GRM7: variants seen among roughly 807,000 people sequenced by gnomAD.
GRM7 encodes the protein metabotropic glutamate receptor 7.
Under a neutral mutation model 84.5 loss-of-function variants are expected in GRM7, and 35 were observed. That is an observed-to-expected ratio of 0.41 (90% CI 0.32 to 0.55). The LOEUF (loss-of-function observed/expected upper bound fraction) is 0.55. GRM7 is among the 20% of genes least tolerant of loss of function. The probability of loss-of-function intolerance (pLI) is 0.19; values close to 1 mark genes in which losing one functional copy is unlikely to be tolerated. For missense variants in GRM7, 1,003 were observed against 1,194.6 expected (o/e 0.84, Z 2.36); for synonymous variants, 487 against 455.1 (o/e 1.07, Z -0.89).
At chr3:6,962,191 C>G (rs1205672068) in intron 1 of GRM7, among the ~76,000 whole-genome samples, 2 of 152,158 alleles carry the variant, frequency 1.3e-5, no homozygotes, top group African/African-American at 4.8e-5. Context: ...TCTACTCCCA[C>G]CTAAATTTAG....
chr3:6,927,016 C>G (rs576482947), intron 1 of GRM7, among the ~76,000 whole-genome samples: 2 of 152,150 alleles, frequency 1.3e-5, no homozygotes, highest in African/African-American at 4.8e-5. Context: ...ATCTTTCACT[C>G]GCACTGTGTT....
At chr3:7,126,467 C>T (rs779271513) in intron 1 of GRM7, among the ~76,000 whole-genome samples, 3 of 152,064 alleles carry the variant, frequency 2.0e-5, no homozygotes, top group African/African-American at 2.4e-5. Context: ...TATGAAACCC[C>T]GAAGGTTTGT....
At chr3:7,414,537 C>G (rs1353130174) in intron 4 of GRM7, among the ~76,000 whole-genome samples, 4 of 152,116 alleles carry the variant, frequency 2.6e-5, no homozygotes, top group African/African-American at 9.7e-5. Flanking sequence ...GTCCTCGTCC[C>G]TGCTCATCTG....
chr3:7,401,761 T>C (rs1695461995), intron 4 of GRM7, among the ~76,000 whole-genome samples: 1 of 152,190 alleles, frequency 6.6e-6, no homozygotes, highest in Non-Finnish European at 1.5e-5. Context: ...ATCTCTTCCC[T>C]TTCTGTGAAA....
chr3:6,983,631 C>T (rs754460398), intron 1 of GRM7, among the ~76,000 whole-genome samples: 20 of 152,114 alleles, frequency 1.3e-4, no homozygotes, highest in Non-Finnish European at 2.5e-4. Context: ...CAGAGCCCTA[C>T]AAACTAATAA....
intron 4 of GRM7, among the ~76,000 whole-genome samples, chr3:7,336,172 G>A (rs1662641437): frequency 6.6e-6 from 1 of 151,960 alleles, no homozygotes; most frequent in African/African-American, 2.4e-5. Flanking sequence ...GAATCCAACA[G>A]CATATCCAAA....
rs368379747 is a variant in GRM7, at chr3:7,519,944, G to A, written c.1515+58222G>A. 19 of 152,350 alleles carry A rather than the reference G, an allele frequency of 1.2e-4. 2 individuals are homozygous for A. Among genetic ancestry groups the A allele is most frequent in the Admixed American group, 4.6e-4 (7 of 15,286 alleles). 9.4% of individuals were successfully genotyped at this position (152,350 alleles called of 1,614,324 possible). On this transcript the variant is annotated intron_variant, in intron 7 of 9. Coordinates refer to ENST00000357716, the MANE Select transcript of GRM7 (RefSeq NM_000844.4). ...TCAGTTCCACTCCATGTGAGCCTTTGTATGCCATCTATCAGTCTAGGCTGG... is the reference window on the plus strand; with the variant it reads ...TCAGTTCCACTCCATGTGAGCCTTTATATGCCATCTATCAGTCTAGGCTGG...
intron 4 of GRM7, among the ~76,000 whole-genome samples, chr3:7,355,512 G>A (rs1192122300): frequency 6.6e-6 from 1 of 152,088 alleles, no homozygotes; most frequent in Non-Finnish European, 1.5e-5. Flanking sequence ...AGCAGATGCT[G>A]TTATAATTTC....
At chr3:7,686,964 ATCTGTAATTCAAAGT>A (rs1700610979) in intron 9 of GRM7, among the ~76,000 whole-genome samples, 1 of 152,176 alleles carries the variant, frequency 6.6e-6, no homozygotes, top group Non-Finnish European at 1.5e-5. Flanking sequence ...TGGCCTTTCC[ATCTGTAATTCAAAGT>A]TGTCTTGGTT....
intron 2 of GRM7, among the ~76,000 whole-genome samples, chr3:7,202,584 A>G (rs1018170394): frequency 2.0e-5 from 3 of 151,956 alleles, no homozygotes; most frequent in African/African-American, 7.3e-5. Context: ...GCCCACCTCA[A>G]CCTCCCAAAA....
intron 1 of GRM7, among the ~76,000 whole-genome samples, chr3:6,891,106 T>G (rs1160007541): frequency 6.6e-6 from 1 of 152,212 alleles, no homozygotes; most frequent in Non-Finnish European, 1.5e-5. Context: ...TCCATCCTTT[T>G]ATTTTGAGCC....
intron 7 of GRM7, among the ~76,000 whole-genome samples, chr3:7,531,711 G>C (rs1017573407): frequency 2.0e-5 from 3 of 152,156 alleles, no homozygotes; most frequent in African/African-American, 2.4e-5. Flanking sequence ...GGGCTGAGAT[G>C]ATGAGGTTTT....
At chr3:6,913,281 C>G (rs920966428) in intron 1 of GRM7, among the ~76,000 whole-genome samples, 1 of 152,076 alleles carries the variant, frequency 6.6e-6, no homozygotes, top group Admixed American at 6.6e-5. Flanking sequence ...TAGATGATAT[C>G]CAATCTGCAA....
chr3:7,456,879 G>T (rs552211585), intron 6 of GRM7, among the ~76,000 whole-genome samples: 2 of 152,028 alleles, frequency 1.3e-5, no homozygotes, highest in South Asian at 4.2e-4. Flanking sequence ...TTAATCAGTG[G>T]GTCCTATGTC....
chr3:6,980,974 A>G (rs755976504), intron 1 of GRM7, among the ~76,000 whole-genome samples: 2 of 152,198 alleles, frequency 1.3e-5, no homozygotes, highest in African/African-American at 4.8e-5. Context: ...TTCCCAGTGC[A>G]AAGTCTTGAA....
At chr3:7,718,568 G>A (rs1701840251) in intron 9 of GRM7, among the ~76,000 whole-genome samples, 1 of 152,074 alleles carries the variant, frequency 6.6e-6, no homozygotes. Flanking sequence ...GCAGGGAGTT[G>A]GAAATTGAGA....
At chr3:7,241,073 C>A (rs1248991304) in intron 2 of GRM7, among the ~76,000 whole-genome samples, 1 of 152,184 alleles carries the variant, frequency 6.6e-6, no homozygotes, top group Admixed American at 6.5e-5. Flanking sequence ...TCAGAACATA[C>A]CCCCATTGAT....
chr3:7,369,945 G>A (rs1694063613), intron 4 of GRM7, among the ~76,000 whole-genome samples: 1 of 152,032 alleles, frequency 6.6e-6, no homozygotes, highest in South Asian at 2.1e-4. Flanking sequence ...GGATCCCACA[G>A]GTAACAGAAA....
intron 4 of GRM7, among the ~76,000 whole-genome samples, chr3:7,363,835 T>C (rs1693768402): frequency 6.6e-6 from 1 of 152,122 alleles, no homozygotes; most frequent in Non-Finnish European, 1.5e-5. Flanking sequence ...TTCTGATGGG[T>C]AAAATTATTA....
Sources: allele counts gnomAD v4.1 joint callset (sites outside exome capture counted in the v4.1 genomes callset), GRCh38; gene constraint gnomAD v4.1.1; transcripts MANE v1.5; gene names NCBI Gene and HGNC (gene_info 2026-07-23, HGNC 2026-07-21).